PLCL2: variants seen among roughly 807,000 people sequenced by gnomAD.
The protein encoded by PLCL2 is phospholipase C like 2, also known as inactive phospholipase C-like protein 2.
Under a neutral mutation model 79.6 loss-of-function variants are expected in PLCL2, and 4 were observed. The ratio of observed to expected loss-of-function variants is 0.05; its 90% CI spans 0.02 to 0.11. The LOEUF (loss-of-function observed/expected upper bound fraction) is 0.11. Ranked by LOEUF, PLCL2 falls within the 10% of genes least tolerant of loss-of-function variation. The probability of loss-of-function intolerance (pLI) is 1.00; values close to 1 mark genes in which losing one functional copy is unlikely to be tolerated. For synonymous variants in PLCL2, 484 were observed against 457.7 expected (o/e 1.06, Z -0.73); for missense variants, 895 against 1,291.0 (o/e 0.69, Z 4.70).
intron 1 of PLCL2, among the ~76,000 whole-genome samples, chr3:16,938,420 C>T (rs1372491756): frequency 1.3e-5 from 2 of 152,132 alleles, no homozygotes; most frequent in African/African-American, 4.8e-5. Flanking sequence ...CAGCCATCCT[C>T]ATTTTCTTTC....
intron 1 of PLCL2, among the ~76,000 whole-genome samples, chr3:16,912,071 C>T (rs776643215): frequency 2.0e-5 from 3 of 152,094 alleles, no homozygotes; most frequent in Non-Finnish European, 4.4e-5. Context: ...AAATCTGAAA[C>T]GCTTCTGGTT....
At chr3:17,019,093 T>A (rs1462684139) in intron 3 of PLCL2, among the ~76,000 whole-genome samples, 2 of 152,192 alleles carry the variant, frequency 1.3e-5, no homozygotes, top group African/African-American at 2.4e-5. Context: ...AGTTTCAGGT[T>A]CAGAGATTAG....
At chr3:17,007,279 C>A (rs2064271292) in intron 1 of PLCL2, among the ~76,000 whole-genome samples, 1 of 152,078 alleles carries the variant, frequency 6.6e-6, no homozygotes, top group Non-Finnish European at 1.5e-5. Context: ...TGGTGAAACC[C>A]CGTCTCTACT....
At chr3:16,923,224 A>G (rs1697163696) in intron 1 of PLCL2, among the ~76,000 whole-genome samples, 1 of 152,202 alleles carries the variant, frequency 6.6e-6, no homozygotes, top group Non-Finnish European at 1.5e-5. Flanking sequence ...AGCTCAGTCC[A>G]TAACAGTGGC....
At chr3:16,981,512 C>T (rs1466803399) in intron 1 of PLCL2, among the ~76,000 whole-genome samples, 3 of 152,136 alleles carry the variant, frequency 2.0e-5, no homozygotes, top group African/African-American at 7.2e-5. Context: ...ATCAAGTTTT[C>T]TGTGAGTTTG....
intron 4 of PLCL2, among the ~76,000 whole-genome samples, chr3:17,052,255 T>TGG (rs141703393): frequency 1.4e-3 from 183 of 126,386 alleles, no homozygotes; most frequent in Middle Eastern, 4.1e-3. Context: ...AAAAAAAAAT[T>TGG]GGGGGGGGGT....
At chr3:16,965,360 G>A (rs1483048651) in intron 1 of PLCL2, among the ~76,000 whole-genome samples, 2 of 152,060 alleles carry the variant, frequency 1.3e-5, no homozygotes. Context: ...TGAGGGCTCT[G>A]TTCTGTTCCA....
At chr3:16,939,771 G>A (rs1697633046) in intron 1 of PLCL2, among the ~76,000 whole-genome samples, 1 of 152,140 alleles carries the variant, frequency 6.6e-6, no homozygotes, top group Admixed American at 6.6e-5. Flanking sequence ...TTTTATTCGG[G>A]AGATCCTTTT....
chr3:16,928,064 A>G (rs1380433389), intron 1 of PLCL2, among the ~76,000 whole-genome samples: 1 of 152,198 alleles, frequency 6.6e-6, no homozygotes, highest in Admixed American at 6.5e-5. Context: ...GGGAGGTTAC[A>G]TGACCAGCCA....
intron 4 of PLCL2, among the ~76,000 whole-genome samples, chr3:17,059,249 C>T (rs575989024): frequency 3.0e-4 from 46 of 151,890 alleles, no homozygotes; most frequent in Non-Finnish European, 4.3e-4. Flanking sequence ...TGTGACAGCA[C>T]GTGCCTGTAG....
intron 1 of PLCL2, among the ~76,000 whole-genome samples, chr3:16,925,712 TC>T (rs1559487402): frequency 6.6e-6 from 1 of 152,238 alleles, no homozygotes; most frequent in Non-Finnish European, 1.5e-5. Flanking sequence ...AATACTTCAT[TC>T]CTTTTTATGT....
intron 4 of PLCL2, 73 bp downstream of exon 4, chr3:17,043,022 T>C: frequency 1.1e-6 from 1 of 945,604 alleles, no homozygotes; most frequent in Middle Eastern, 2.2e-4. Flanking sequence ...AACTATTTCA[T>C]TTTTTGGATG....
chr3:17,021,565 A>C (rs1164577868), intron 3 of PLCL2, among the ~76,000 whole-genome samples: 2 of 150,382 alleles, frequency 1.3e-5, no homozygotes, highest in Non-Finnish European at 3.0e-5. Flanking sequence ...CACAGAAACC[A>C]CTGAGGAACA....
At chr3:16,997,853 A>G (rs2064169746) in intron 1 of PLCL2, among the ~76,000 whole-genome samples, 1 of 152,150 alleles carries the variant, frequency 6.6e-6, no homozygotes, top group Non-Finnish European at 1.5e-5. Flanking sequence ...CATTAATTTC[A>G]TATGCAGATA....
At chr3:16,996,750 TA>T (rs2064157809) in intron 1 of PLCL2, among the ~76,000 whole-genome samples, 1 of 152,130 alleles carries the variant, frequency 6.6e-6, no homozygotes, top group Admixed American at 6.5e-5. Flanking sequence ...GGCCGTTTGG[TA>T]GGCAGTGAAC....
At chr3:16,960,779 C>G (rs1257706933) in intron 1 of PLCL2, among the ~76,000 whole-genome samples, 5 of 152,098 alleles carry the variant, frequency 3.3e-5, no homozygotes, top group African/African-American at 1.2e-4. Flanking sequence ...CTACCATTTC[C>G]TAAAAAATAT....
At chr3:17,000,870 A>C (rs1476341324) in intron 1 of PLCL2, among the ~76,000 whole-genome samples, 1 of 152,138 alleles carries the variant, frequency 6.6e-6, no homozygotes, top group East Asian at 1.9e-4. Flanking sequence ...TGTGAATAGC[A>C]CTGTGATAAA....
chr3:17,067,917 A>T, intron 4 of PLCL2, 39 bp from the exon 5 acceptor site: 2 of 1,111,880 alleles, frequency 1.8e-6, no homozygotes, highest in Non-Finnish European at 2.7e-6. Context: ...CACAGATTGG[A>T]TGGGAGTTAA....
chr3:17,068,050 T>C lies in PLCL2; in HGVS notation c.3189T>C (p.Asn1063=). ...LQKAVESFTW[N]ITILKGQADL... ...AAGCAGTGGAGAGCTTTACCTGGAA[T>C]ATTACCATCTTAAAGGTATCTATAG... The change falls in exon 5 of 6, where the codon AAT becomes AAC. Residue 1063 remains asparagine, a synonymous_variant. Coordinates refer to ENST00000615277, the MANE Select transcript of PLCL2 (RefSeq NM_001144382.2). 4 of 1,589,422 alleles carry C rather than the reference T, an allele frequency of 2.5e-6. No individual in the cohort carries two copies. Among genetic ancestry groups the C allele is most frequent in the Non-Finnish European group, 2.6e-6 (3 of 1,157,918 alleles).
Sources: gnomAD v4.1 joint callset for allele counts (sites outside exome capture counted in the v4.1 genomes callset) on GRCh38, gnomAD v4.1.1 for gene constraint, MANE v1.5 for transcripts, NCBI Gene and HGNC (gene_info 2026-07-23, HGNC 2026-07-21) for gene names.